The following CFAP47 variants were observed in gnomAD, a reference collection of about 807,000 sequenced individuals.
CFAP47 encodes cilia and flagella associated protein 47.
In CFAP47, 29 loss-of-function variants were observed where a neutral mutation model predicts 148.1. The ratio of observed to expected loss-of-function variants is 0.20; its 90% confidence interval spans 0.15 to 0.27. The LOEUF is 0.27. Ranked by LOEUF, CFAP47 falls within the 10% of genes least tolerant of loss-of-function variation. The pLI, the probability that CFAP47 is intolerant of heterozygous loss-of-function variation, is 1.00. For missense variants in CFAP47, 1,872 were observed against 1,697.5 expected (o/e 1.10, Z -1.81); for synonymous variants, 664 against 577.3 (o/e 1.15, Z -2.15).
At chrX:36,234,747 T>TAAA (rs1417673292) in intron 46 of CFAP47, among the ~76,000 whole-genome samples, 10 of 111,728 alleles carry the variant, frequency 9.0e-5, no homozygotes, top group Non-Finnish European at 1.5e-4. Flanking sequence ...TTTGTGGTTT[T>TAAA]ATCTACTTTT....
chrX:35,932,259 TC>T (rs1347529016), intron 2 of CFAP47, among the ~76,000 whole-genome samples: 1,069 of 105,149 alleles, frequency 0.01, 15 homozygotes, highest in African/African-American at 0.036. Flanking sequence ...TTTCTTTCTT[TC>T]TTTCTTTTTT....
chrX:35,924,305 GTA>G lies in CFAP47; in HGVS notation c.250-1706_250-1705del, dbSNP rs1446062909. On this transcript the variant is annotated intron_variant, in intron 1 of 63. Transcript: ENST00000378653. The stretch of plus-strand genomic sequence containing the variant: ...TATGTACATGTATGTGTACACATAT[GTA>G]TATATGTACATGTATGTGTATATGT... Among the ~76,000 whole-genome samples, 6 of 104,882 alleles carry G rather than the reference GTA, an allele frequency of 5.7e-5. No homozygotes were observed. In the East Asian group the frequency reaches 8.9e-4, roughly 16 times the overall value. 91.1% of individuals were successfully genotyped at this position (104,882 alleles called of 115,157 possible). A position where few individuals can be genotyped will look rare whatever the true frequency, so the allele number is the denominator to read the frequency against.
At chrX:36,269,415 T>C (rs1328554551) in intron 49 of CFAP47, among the ~76,000 whole-genome samples, 1 of 111,983 alleles carries the variant, frequency 8.9e-6, no homozygotes, top group Non-Finnish European at 1.9e-5. Flanking sequence ...AGATTACAGT[T>C]CTCCTGGATG....
rs1053682037 is a variant in CFAP47 at position 36,065,799 on chromosome X, A to G, written c.4318+56A>G. The G allele has an allele frequency of 1.8e-5, 11 of 627,288 alleles. No individual in the cohort carries two copies. In the Admixed American group the frequency reaches 3.5e-4, roughly 20 times the overall value. 51.7% of individuals were successfully genotyped at this position (627,288 alleles called of 1,213,427 possible). A position where few individuals can be genotyped will look rare whatever the true frequency, so the allele number is the denominator to read the frequency against. The stretch of plus-strand genomic sequence containing the variant: ...CTCTCACTGTATAGGTTCTTGGCCA[A>G]CATCTAGAAATAAAGTGAATTTAAA... On this transcript the variant is annotated intron_variant, in intron 27 of 63. Coordinates refer to ENST00000378653, the MANE Select transcript of CFAP47 (RefSeq NM_001304548.2).
chrX:35,933,426 C>T (rs1419605788), intron 2 of CFAP47, among the ~76,000 whole-genome samples: 1 of 111,909 alleles, frequency 8.9e-6, no homozygotes, highest in African/African-American at 3.3e-5. Context: ...AATAGTACTT[C>T]ATCGTGTATA....
chrX:36,006,390 G>A (rs2146697175), intron 21 of CFAP47, among the ~76,000 whole-genome samples: 1 of 111,627 alleles, frequency 9.0e-6, no homozygotes, highest in African/African-American at 3.2e-5. Flanking sequence ...TCAACAATGA[G>A]AAGAACATAT....
intron 62 of CFAP47, among the ~76,000 whole-genome samples, chrX:36,375,994 G>A (rs1017143560): frequency 8.9e-6 from 1 of 112,138 alleles, no homozygotes; most frequent in Non-Finnish European, 1.9e-5. Context: ...AGAAGCAAGA[G>A]GCCAGAGCAG....
intron 39 of CFAP47, among the ~76,000 whole-genome samples, chrX:36,175,975 G>A (rs938803688): frequency 3.6e-5 from 4 of 112,279 alleles, no homozygotes; most frequent in African/African-American, 6.5e-5. Context: ...AGGACCCTCC[G>A]AGCCAGGTGC....
At chrX:36,083,465 G>A (rs1265168265) in intron 29 of CFAP47, among the ~76,000 whole-genome samples, 1 of 111,201 alleles carries the variant, frequency 9.0e-6, no homozygotes, top group African/African-American at 3.3e-5. Flanking sequence ...CCATTTCTGG[G>A]CATCCTGCCC....
intron 49 of CFAP47, among the ~76,000 whole-genome samples, chrX:36,260,487 G>A (rs1940804572): frequency 8.9e-6 from 1 of 111,956 alleles, no homozygotes; most frequent in Admixed American, 9.4e-5. Context: ...GTTATGATCA[G>A]CATTTTTTCA....
intron 23 of CFAP47, among the ~76,000 whole-genome samples, chrX:36,032,794 G>A (rs1937295776): frequency 9.0e-6 from 1 of 110,762 alleles, no homozygotes; most frequent in African/African-American, 3.3e-5. Flanking sequence ...CTTTGCTGAC[G>A]TAATTATGGT....
chrX:36,152,731 A>G (rs1413477591), intron 37 of CFAP47, among the ~76,000 whole-genome samples: 5 of 111,387 alleles, frequency 4.5e-5, no homozygotes, highest in Non-Finnish European at 1.9e-5. Flanking sequence ...CTTAATTGGA[A>G]CCTTGAGCCC....
intron 60 of CFAP47, among the ~76,000 whole-genome samples, chrX:36,359,897 C>T (rs1475597302): frequency 9.0e-6 from 1 of 111,009 alleles, no homozygotes; most frequent in East Asian, 2.8e-4. Context: ...ACTACAGGTG[C>T]CCGCCACCAT....
intron 29 of CFAP47, among the ~76,000 whole-genome samples, chrX:36,073,808 G>T (rs955360255): frequency 1.8e-5 from 2 of 111,684 alleles, no homozygotes; most frequent in Non-Finnish European, 3.8e-5. Context: ...TTCATGTGCT[G>T]TTTTGTTACT....
At chrX:36,147,792 A>G (rs1428406489) in intron 36 of CFAP47, among the ~76,000 whole-genome samples, 1 of 112,531 alleles carries the variant, frequency 8.9e-6, no homozygotes, top group Non-Finnish European at 1.9e-5. Context: ...CATATTCCTT[A>G]TGACTCACTA....
intron 61 of CFAP47, among the ~76,000 whole-genome samples, chrX:36,366,544 C>T (rs990445838): frequency 2.7e-5 from 3 of 111,442 alleles, no homozygotes; most frequent in South Asian, 3.7e-4. Flanking sequence ...AAAATACTTT[C>T]GCATAATGTT....
At chrX:36,226,903 C>A (rs1448097519) in intron 45 of CFAP47, among the ~76,000 whole-genome samples, 1 of 111,155 alleles carries the variant, frequency 9.0e-6, no homozygotes. Flanking sequence ...TTCTGCAATT[C>A]TTAAAATTGT....
chrX:36,168,126 C>T, intron 39 of CFAP47, among the ~76,000 whole-genome samples: 1 of 111,331 alleles, frequency 9.0e-6, no homozygotes, highest in African/African-American at 3.3e-5. Context: ...TTTTCTTTTA[C>T]CCATCTTGTC....
At chrX:36,252,231 G>C (rs782666255) in intron 49 of CFAP47, among the ~76,000 whole-genome samples, 2 of 108,979 alleles carry the variant, frequency 1.8e-5, no homozygotes, top group Non-Finnish European at 3.8e-5. Context: ...CTGCTCCTTG[G>C]ATGTACTAGC....
Sources: allele counts gnomAD v4.1 joint callset (sites outside exome capture counted in the v4.1 genomes callset), GRCh38; gene constraint gnomAD v4.1.1; transcripts MANE v1.5; gene names NCBI Gene and HGNC (gene_info 2026-07-23, HGNC 2026-07-21).